The following CD84 variants were observed in gnomAD, a reference collection of about 807,000 sequenced individuals.
CD84 encodes SLAM family member 5.
In CD84, 22 loss-of-function variants were observed where a neutral mutation model predicts 33.8. The ratio of observed to expected loss-of-function variants is 0.65; its 90% CI spans 0.46 to 0.93. CD84 has a LOEUF of 0.93. Among genes scored for constraint, CD84 ranks in the 40% least tolerant of loss-of-function variants. CD84 has a pLI of 0.00. For synonymous variants in CD84, 154 were observed against 145.2 expected (o/e 1.06, Z -0.44); for missense variants, 400 against 397.6 (o/e 1.01, Z -0.05).
chr1:160,567,751 C>G (rs760917292), intron 1 of CD84, among the ~76,000 whole-genome samples: 7 of 152,106 alleles, frequency 4.6e-5, no homozygotes, highest in African/African-American at 7.2e-5. Flanking sequence ...TGGTAAGAGT[C>G]ATAGTTTGCC....
chr1:160,559,610 C>T (rs535821866), intron 2 of CD84, among the ~76,000 whole-genome samples: 15 of 152,162 alleles, frequency 9.9e-5, no homozygotes, highest in African/African-American at 2.2e-4. Context: ...AATGATGACA[C>T]GATCAAATTC....
At chr1:160,569,351 CATT>C (rs1202890177) in intron 1 of CD84, among the ~76,000 whole-genome samples, 4 of 152,156 alleles carry the variant, frequency 2.6e-5, no homozygotes, top group Non-Finnish European at 4.4e-5. Flanking sequence ...GGGACTCTAA[CATT>C]ATGTTATCAC....
At position 160,544,308 on chromosome 1, in the gene CD84, C is replaced by T. The variant is rs1138322; in HGVS notation, c.*3948G>A. The T allele has an allele frequency of 0.8, 121,251 of 151,916 alleles. 49,797 individuals carry two copies. Among genetic ancestry groups the T allele is most frequent in the Non-Finnish European group, 0.91 (61,920 of 67,996 alleles). The allele number at this position is 151,916 out of a possible 1,614,324, so 9.4% of individuals were successfully genotyped here. On this transcript the variant is annotated 3_prime_UTR_variant, in exon 7 of 7. Coordinates refer to ENST00000368054, the MANE Select transcript of CD84 (RefSeq NM_003874.4). Reference sequence around the variant, plus strand: ...GGGACTACAGGCACGTGCCACCATGCCCGGCTAATTTTTTTGTATTTTTAG... The same window carrying T: ...GGGACTACAGGCACGTGCCACCATGTCCGGCTAATTTTTTTGTATTTTTAG...
At chr1:160,552,955 C>T in intron 4 of CD84, 1 of 589,034 alleles carries the variant, frequency 1.7e-6, no homozygotes, top group Non-Finnish European at 3.1e-6. Flanking sequence ...ATAGTGACAA[C>T]CATGGAGTAC....
chr1:160,552,989 G>A (rs1656337363), intron 4 of CD84: 3 of 576,570 alleles, frequency 5.2e-6, no homozygotes, highest in Admixed American at 3.0e-5. Context: ...GTTTCTCAAT[G>A]ACTCTCCAAT....
intron 6 of CD84, among the ~76,000 whole-genome samples, chr1:160,549,291 T>G (rs958759636): frequency 6.6e-6 from 1 of 152,134 alleles, no homozygotes; most frequent in African/African-American, 2.4e-5. Flanking sequence ...AAAACATGAT[T>G]CTTTAAGCAA....
Position 160,576,290 on chromosome 1 carries a change from A to T in CD84, c.46+3102T>A, listed in dbSNP as rs376130259. Among the ~76,000 whole-genome samples the T allele has an allele frequency of 8.5e-5, 13 of 152,320 alleles. No homozygotes were observed. The East Asian group carries it at 2.3e-3, about 27-fold the overall frequency. On this transcript the variant is annotated intron_variant, in intron 1 of 6. Coordinates refer to ENST00000368054, the MANE Select transcript of CD84 (RefSeq NM_003874.4). ...GCTGAAATGCCCATGACCATGTTTA[A>T]CATCCAACAAGACATCAACATCATG... is the stretch of plus-strand genomic sequence containing the variant.
rs776610976 is a variant in CD84, at chr1:160,553,465, C to T, written c.673G>A (p.Gly225Arg). Residue 225 changes from glycine to arginine, a missense_variant, in exon 4 of 7, where the codon GGG becomes AGG. Transcript: ENST00000368054. The part of the protein sequence containing the change: ...IAMGFRTHHT[G>R]LLSVLAMFFL... ...AACATAGCCAGCACGCTCAGCAACC[C>T]GGTGTGGTGAGTACGGAAGCCCATT... The T allele has an allele frequency of 3.3e-5, 54 of 1,613,944 alleles. No individual in the cohort carries two copies. The highest frequency in any genetic ancestry group is 4.0e-5 in the Non-Finnish European group (47 of 1,180,010).
intron 1 of CD84, among the ~76,000 whole-genome samples, chr1:160,578,430 A>G (rs1658104951): frequency 6.6e-6 from 1 of 152,182 alleles, no homozygotes; most frequent in Non-Finnish European, 1.5e-5. Context: ...TTCAAATTAA[A>G]GGAGCCATAG....
rs1655611262 is a variant in CD84, at chr1:160,542,830, T to C, written c.*5426A>G. 6.6e-6 allele frequency: 1 copy of C among 152,234 alleles called. No individual in the cohort carries two copies. Among genetic ancestry groups the C allele is most frequent in the Non-Finnish European group, 1.5e-5 (1 of 68,040 alleles). The allele number at this position is 152,234 out of a possible 1,614,324, so 9.4% of individuals were successfully genotyped here. A position where few individuals can be genotyped will look rare whatever the true frequency, so the allele number is the denominator to read the frequency against. ...CTTTTTTAATGGTCCTTTGTCGAAATGTATTAACACTTTCATATGTTTTGA... is the reference window on the plus strand; with the variant it reads ...CTTTTTTAATGGTCCTTTGTCGAAACGTATTAACACTTTCATATGTTTTGA... On this transcript the variant is annotated 3_prime_UTR_variant, in exon 7 of 7. Coordinates refer to ENST00000368054, the MANE Select transcript of CD84 (RefSeq NM_003874.4).
chr1:160,575,405 C>T (rs1657937034), intron 1 of CD84, among the ~76,000 whole-genome samples: 1 of 151,972 alleles, frequency 6.6e-6, no homozygotes, highest in Non-Finnish European at 1.5e-5. Flanking sequence ...ACCTACTACC[C>T]CCATGCAATA....
chr1:160,562,356 C>A (rs376051429), intron 2 of CD84, among the ~76,000 whole-genome samples: 1 of 151,944 alleles, frequency 6.6e-6, no homozygotes, highest in Non-Finnish European at 1.5e-5. Flanking sequence ...CAAAACAGCA[C>A]GGCACTGGTA....
intron 2 of CD84, among the ~76,000 whole-genome samples, chr1:160,564,781 A>G (rs1440494804): frequency 6.6e-6 from 1 of 152,210 alleles, no homozygotes; most frequent in Non-Finnish European, 1.5e-5. Context: ...ATGTGGCTAT[A>G]AAGGGAGAGT....
At chr1:160,559,008 G>C (rs985920058) in intron 2 of CD84, among the ~76,000 whole-genome samples, 2 of 152,186 alleles carry the variant, frequency 1.3e-5, no homozygotes, top group African/African-American at 4.8e-5. Flanking sequence ...ATGACCAATT[G>C]GGGTAGCTGA....
chr1:160,554,889 G>C (rs192529336), intron 2 of CD84, among the ~76,000 whole-genome samples: 340 of 140,058 alleles, frequency 2.4e-3, no homozygotes, highest in Non-Finnish European at 4.0e-3. Context: ...TGCCCTCTCA[G>C]CAAAATAAAT....
Position 160,548,292 on chromosome 1 carries a change from T to A in CD84, c.951A>T (p.Lys317Asn), listed in dbSNP as rs959065890. 2.5e-6 allele frequency: 4 copies of A among 1,613,968 alleles called. No individual in the cohort carries two copies. The highest frequency in any genetic ancestry group is 3.3e-5 in the Admixed American group (2 of 60,006). ...KMGKASTQDS[K>N]PPGTSSYEIV... Reference sequence around the variant, plus strand: ...TTTCATAGCTTGAAGTCCCAGGAGGTTTACTGTCCTGTGTGCTGGCTTTCC... The same window carrying A: ...TTTCATAGCTTGAAGTCCCAGGAGGATTACTGTCCTGTGTGCTGGCTTTCC... Residue 317 changes from lysine (K) to asparagine (N), a missense_variant, in exon 7 of 7, where the codon AAA (lysine) becomes AAT (asparagine). By Grantham distance (94) the Lys-to-Asn change is moderately conservative (BLOSUM62 0). Coordinates refer to ENST00000368054, the MANE Select transcript of CD84 (RefSeq NM_003874.4).
chr1:160,558,369 C>A (rs1656745265), intron 2 of CD84, among the ~76,000 whole-genome samples: 1 of 152,050 alleles, frequency 6.6e-6, no homozygotes, highest in Admixed American at 6.6e-5. Flanking sequence ...TGGAGTGGAC[C>A]CTCAGCAAAC....
intron 2 of CD84, among the ~76,000 whole-genome samples, chr1:160,555,081 C>CTT (rs35518975): frequency 6.5e-5 from 9 of 138,512 alleles, no homozygotes; most frequent in East Asian, 2.1e-4. Flanking sequence ...ATGAAATAAT[C>CTT]TTTTTTTTTT....
In CD84 at chr1:160,545,280, C is replaced by T. The variant is rs1655759677; in HGVS notation, c.*2976G>A. On this transcript the variant is annotated 3_prime_UTR_variant, in exon 7 of 7. Transcript: ENST00000368054. ...GACAATATGCATAGGGGCATTAGGA[C>T]ACTAGTAATTTTACTTGAGTGAGCA... 1 of 152,156 alleles carries T rather than the reference C, an allele frequency of 6.6e-6. No individual in the cohort carries two copies. The highest frequency in any genetic ancestry group is 2.4e-5 in the African/African-American group (1 of 41,440). The allele number at this position is 152,156 out of a possible 1,614,324, so 9.4% of individuals were successfully genotyped here.
Sources: gnomAD v4.1 joint callset for allele counts (sites outside exome capture counted in the v4.1 genomes callset) on GRCh38, gnomAD v4.1.1 for gene constraint, MANE v1.5 for transcripts, NCBI Gene and HGNC (gene_info 2026-07-23, HGNC 2026-07-21) for gene names.